Variants in GRB14 observed in about 807,000 individuals in gnomAD.
The protein encoded by GRB14 is growth factor receptor-bound protein 14.
In GRB14, 38 loss-of-function variants were observed where a neutral mutation model predicts 69.1. That is an observed-to-expected ratio of 0.55 (90% CI 0.42 to 0.72). The LOEUF is 0.72. Among genes scored for constraint, GRB14 ranks in the 30% least tolerant of loss-of-function variants. The pLI, the probability that GRB14 is intolerant of heterozygous loss-of-function variation, is 0.00. For synonymous variants in GRB14, 247 were observed against 241.3 expected (o/e 1.02, Z -0.22); for missense variants, 666 against 666.1 (o/e 1.00, Z 0.00).
chr2:164,534,361 A>G (rs1269900966), intron 3 of GRB14, among the ~76,000 whole-genome samples: 5 of 152,206 alleles, frequency 3.3e-5, no homozygotes, highest in Non-Finnish European at 1.5e-5. Context: ...TAATCCAAAT[A>G]ACCCTGGGAG....
rs1169030025 is a variant in GRB14, at chr2:164,621,444, G to C, written c.-135C>G. On this transcript the variant is annotated 5_prime_UTR_variant, in exon 1 of 14. Transcript: ENST00000263915. This position sits in a 1 kb window ranked among gnomAD's most constrained non-coding sequence, Gnocchi z 6.0. The stretch of plus-strand genomic sequence containing the variant: ...TGTGGTGGCCTCGCCGCCTGCGCTC[G>C]GGGCCCCGGCGGCTGAGACGCGCGG... 59 of 664,024 alleles carry C rather than the reference G, an allele frequency of 8.9e-5. No homozygotes were observed. The highest frequency in any genetic ancestry group is 1.1e-5 in the Non-Finnish European group (5 of 472,796). The allele number at this position is 664,024 out of a possible 1,614,324, so 41.1% of individuals were successfully genotyped here.
chr2:164,581,496 C>T (rs1689403629), intron 2 of GRB14, among the ~76,000 whole-genome samples: 1 of 152,124 alleles, frequency 6.6e-6, no homozygotes, highest in Non-Finnish European at 1.5e-5. Context: ...CGATTCAGGA[C>T]CAACAGCCAA....
intron 3 of GRB14, among the ~76,000 whole-genome samples, chr2:164,532,554 C>T (rs2105294745): frequency 6.6e-6 from 1 of 152,196 alleles, no homozygotes; most frequent in Non-Finnish European, 1.5e-5. Flanking sequence ...CACATATATC[C>T]TTTTAAGACA....
intron 2 of GRB14, among the ~76,000 whole-genome samples, chr2:164,589,669 T>C (rs1689616030): frequency 6.6e-6 from 1 of 152,206 alleles, no homozygotes; most frequent in East Asian, 1.9e-4. Context: ...TTCAGTCCCA[T>C]GGCCCAAACA....
chr2:164,555,467 A>G (rs992851199), intron 2 of GRB14, among the ~76,000 whole-genome samples: 3 of 152,132 alleles, frequency 2.0e-5, no homozygotes, highest in African/African-American at 7.2e-5. Context: ...GAAGCAAGAG[A>G]AAGAAAAAAA....
At chr2:164,562,480 C>G (rs1688854524) in intron 2 of GRB14, among the ~76,000 whole-genome samples, 1 of 152,096 alleles carries the variant, frequency 6.6e-6, no homozygotes, top group Admixed American at 6.6e-5. Context: ...TGGCTGAAAT[C>G]TATGAAGAAA....
chr2:164,543,174 G>A (rs533684532), intron 3 of GRB14, among the ~76,000 whole-genome samples: 2 of 152,066 alleles, frequency 1.3e-5, no homozygotes, highest in East Asian at 3.9e-4. Context: ...GGTGCCATGT[G>A]CCTGTAATCC....
At chr2:164,530,184 G>A (rs80116472) in intron 3 of GRB14, among the ~76,000 whole-genome samples, 3,709 of 152,224 alleles carry the variant, frequency 0.024, 138 homozygotes, top group African/African-American at 0.085. Flanking sequence ...TTCTGGTGAG[G>A]TCTCAGGAAG....
chr2:164,574,446 G>A (rs1689199559), intron 2 of GRB14, among the ~76,000 whole-genome samples: 1 of 151,798 alleles, frequency 6.6e-6, no homozygotes, highest in Non-Finnish European at 1.5e-5. Flanking sequence ...TCACCACGTT[G>A]GCCAGGATGG....
At chr2:164,555,140 G>A (rs1425316954) in intron 2 of GRB14, among the ~76,000 whole-genome samples, 2 of 152,200 alleles carry the variant, frequency 1.3e-5, no homozygotes, top group Non-Finnish European at 2.9e-5. Flanking sequence ...AGTGAGCAAA[G>A]GCTAAGCAGT....
chr2:164,583,104 A>C (rs1559061440), intron 2 of GRB14, among the ~76,000 whole-genome samples: 1 of 152,214 alleles, frequency 6.6e-6, no homozygotes, highest in Non-Finnish European at 1.5e-5. Context: ...AATCAGGAAC[A>C]AAATCCCACA....
rs760263426 is a variant in GRB14 at position 164,619,797 on chromosome 2, C to T, written c.214G>A (p.Val72Ile). The T allele has an allele frequency of 1.9e-6, 3 of 1,609,846 alleles. No individual in the cohort carries two copies. Among genetic ancestry groups the T allele is most frequent in the South Asian group, 1.1e-5 (1 of 90,362 alleles). ...ADRRKKKDLD[V>I]PEMPSIPNPF... ...TTTGGAATAGATGGCATTTCCGGAA[C>T]ATCAAGATCTTTCTTTTTTCTCCTA... The change falls in exon 2 of 14, where the codon GTT becomes ATT. Residue 72 changes from valine (V) to isoleucine (I), a missense_variant. By Grantham distance (29) the Val-to-Ile change is conservative. Coordinates refer to ENST00000263915, the MANE Select transcript of GRB14 (RefSeq NM_004490.3).
At chr2:164,608,664 T>C (rs1295762984) in intron 2 of GRB14, among the ~76,000 whole-genome samples, 1 of 152,016 alleles carries the variant, frequency 6.6e-6, no homozygotes, top group Admixed American at 6.6e-5. Context: ...AGGAAGTACA[T>C]AGAATTCCTT....
intron 2 of GRB14, among the ~76,000 whole-genome samples, chr2:164,587,821 T>C (rs534710366): frequency 3.3e-4 from 50 of 152,224 alleles, no homozygotes; most frequent in Middle Eastern, 3.4e-3. Flanking sequence ...AAAAGTGCAC[T>C]GGACATAAAG....
intron 2 of GRB14, among the ~76,000 whole-genome samples, chr2:164,578,405 A>G (rs1422790418): frequency 6.6e-6 from 1 of 152,122 alleles, no homozygotes; most frequent in Non-Finnish European, 1.5e-5. Context: ...TATATATGCA[A>G]TATATTTAAG....
chr2:164,570,098 A>G (rs1326317655), intron 2 of GRB14, among the ~76,000 whole-genome samples: 3 of 151,822 alleles, frequency 2.0e-5, no homozygotes, highest in Non-Finnish European at 4.4e-5. Context: ...ACACTGTGAA[A>G]CCCTGCCTCT....
intron 2 of GRB14, among the ~76,000 whole-genome samples, chr2:164,554,465 G>A (rs1415010558): frequency 6.6e-6 from 1 of 152,128 alleles, no homozygotes; most frequent in Admixed American, 6.5e-5. Context: ...TCAAAGGATT[G>A]AAAGTTGACT....
At chr2:164,558,205 T>C (rs910184007) in intron 2 of GRB14, among the ~76,000 whole-genome samples, 11 of 152,184 alleles carry the variant, frequency 7.2e-5, no homozygotes, top group Admixed American at 2.0e-4. Flanking sequence ...CCAAGAGCCA[T>C]GAAGAGTACT....
chr2:164,510,780 ACTGGAGAGCC>A (rs1257746829), intron 6 of GRB14, among the ~76,000 whole-genome samples: 1 of 152,168 alleles, frequency 6.6e-6, no homozygotes, highest in African/African-American at 2.4e-5. Context: ...CCACAAGATG[ACTGGAGAGCC>A]CTTAGGCCTT....
Sources: gnomAD v4.1 joint callset for allele counts (sites outside exome capture counted in the v4.1 genomes callset) on GRCh38, gnomAD v4.1.1 for gene constraint, Gnocchi (gnomAD v3.1) non-coding constraint, MANE v1.5 for transcripts, NCBI Gene and HGNC (gene_info 2026-07-23, HGNC 2026-07-21) for gene names.